Variants in CALN1 observed in about 807,000 individuals in gnomAD.
The protein encoded by CALN1 is calneuron 1.
Under a neutral mutation model 30.6 loss-of-function variants are expected in CALN1, and 17 were observed. The observed-to-expected ratio is 0.56, with a 90% confidence interval of 0.38 to 0.83. The LOEUF (loss-of-function observed/expected upper bound fraction) is 0.83, where lower values mean the gene tolerates loss of function less well. CALN1 is among the 40% of genes least tolerant of loss of function. The probability of loss-of-function intolerance (pLI) is 0.00; values close to 1 mark genes in which losing one functional copy is unlikely to be tolerated. For synonymous variants in CALN1, 156 were observed against 131.4 expected (o/e 1.19, Z -1.28); for missense variants, 291 against 354.9 (o/e 0.82, Z 1.45).
chr7:72,387,210 GAAGGA>G (rs1805262996), intron 2 of CALN1, among the ~76,000 whole-genome samples: 2 of 115,078 alleles, frequency 1.7e-5, no homozygotes, highest in Admixed American at 9.2e-5. Context: ...GGGAGGGAGG[GAAGGA>G]AGGAAGGGAA....
chr7:72,310,896 A>G (rs1000712791), intron 2 of CALN1, among the ~76,000 whole-genome samples: 3 of 132,824 alleles, frequency 2.3e-5, no homozygotes, highest in Non-Finnish European at 4.8e-5. Flanking sequence ...CGACAGAGCA[A>G]GACTCCGTCT....
intron 2 of CALN1, among the ~76,000 whole-genome samples, chr7:72,280,273 A>G (rs541355646): frequency 6.6e-6 from 1 of 152,348 alleles, no homozygotes; most frequent in South Asian, 2.1e-4. Context: ...CCAAAAAGTA[A>G]AACAGACACA....
chr7:72,354,869 A>C (rs2968518), intron 2 of CALN1, among the ~76,000 whole-genome samples: 48,511 of 151,296 alleles, frequency 0.32, 9,457 homozygotes, highest in Middle Eastern at 0.49. Context: ...ATTTTTGAGA[A>C]CTTGAGTAAG....
intron 5 of CALN1, among the ~76,000 whole-genome samples, chr7:71,912,816 A>C (rs1013240123): frequency 7.9e-5 from 12 of 152,200 alleles, no homozygotes; most frequent in Admixed American, 6.5e-4. Flanking sequence ...TTGATCTGGC[A>C]GTACTGAGTT....
chr7:72,422,860 G>A (rs1334653322), intron 1 of CALN1, among the ~76,000 whole-genome samples: 2 of 151,942 alleles, frequency 1.3e-5, no homozygotes, highest in Non-Finnish European at 2.9e-5. Context: ...TGAGCGCATC[G>A]GCTCACGCCT....
At chr7:72,123,741 G>A (rs879914425) in intron 3 of CALN1, among the ~76,000 whole-genome samples, 17 of 152,142 alleles carry the variant, frequency 1.1e-4, no homozygotes, top group Non-Finnish European at 2.1e-4. Context: ...AATTGATAAA[G>A]AGCTGACTAT....
chr7:72,367,949 C>G (rs1326866309), intron 2 of CALN1, among the ~76,000 whole-genome samples: 2 of 151,964 alleles, frequency 1.3e-5, no homozygotes, highest in Admixed American at 1.3e-4. Context: ...CTGGCTAGCA[C>G]AGTAAAACCC....
At chr7:72,458,707 A>C in the CALN1 span, among the ~76,000 whole-genome samples, 1 of 76,182 alleles carries the variant, frequency 1.3e-5, no homozygotes, top group African/African-American at 5.7e-5. Context: ...ATTCTATATT[A>C]TATAATATAT....
At chr7:71,873,320 T>C (rs1792057115) in intron 5 of CALN1, among the ~76,000 whole-genome samples, 1 of 152,108 alleles carries the variant, frequency 6.6e-6, no homozygotes, top group African/African-American at 2.4e-5. Flanking sequence ...AAATTTTTTT[T>C]TGTGGACACA....
intron 5 of CALN1, among the ~76,000 whole-genome samples, chr7:71,873,162 C>T (rs186054558): frequency 1.1e-4 from 16 of 152,000 alleles, no homozygotes; most frequent in African/African-American, 3.6e-4. Context: ...CACCACCACG[C>T]CTGGCTAATT....
intron 2 of CALN1, chr7:72,336,774 A>T (rs1585529355): frequency 3.0e-6 from 3 of 984,872 alleles, no homozygotes; most frequent in Admixed American, 6.2e-5. Flanking sequence ...GCTTCCTCCG[A>T]GGCCCGCAGG....
chr7:71,819,617 A>G lies in CALN1; in HGVS notation c.502-9125T>C, dbSNP rs117320240. 1.2e-4 allele frequency among the ~76,000 whole-genome samples: 18 copies of G among 152,254 alleles called. No individual in the cohort carries two copies. In the East Asian group the frequency reaches 3.5e-3, roughly 29 times the overall value. ...ATCTTCCCAGACTGAAACTTTGTACACTATTATTAATTATCATTAAACACT... is the reference window on the plus strand; with the variant it reads ...ATCTTCCCAGACTGAAACTTTGTACGCTATTATTAATTATCATTAAACACT... On this transcript the variant is annotated intron_variant, in intron 5 of 6. Coordinates refer to ENST00000395275, the MANE Select transcript of CALN1 (RefSeq NM_031468.4).
intron 2 of CALN1, among the ~76,000 whole-genome samples, chr7:72,334,730 C>G (rs1271268350): frequency 6.6e-6 from 1 of 152,266 alleles, no homozygotes; most frequent in African/African-American, 2.4e-5. Context: ...GAGGATTTAG[C>G]TCTCCTCCAA....
intron 3 of CALN1, among the ~76,000 whole-genome samples, chr7:72,183,217 C>A (rs780965951): frequency 1.8e-4 from 28 of 152,138 alleles, no homozygotes; most frequent in African/African-American, 2.7e-4. Flanking sequence ...GCATGCGCCA[C>A]CACGCCCAGC....
intron 3 of CALN1, among the ~76,000 whole-genome samples, chr7:72,227,799 G>A (rs1037940214): frequency 5.9e-5 from 9 of 152,050 alleles, no homozygotes; most frequent in African/African-American, 1.9e-4. Flanking sequence ...GCAGTGAGCC[G>A]AGACTGCACC....
chr7:71,887,811 G>A (rs1317100469), intron 5 of CALN1, among the ~76,000 whole-genome samples: 3 of 152,172 alleles, frequency 2.0e-5, no homozygotes, highest in Non-Finnish European at 2.9e-5. Flanking sequence ...TGGAGGGTGA[G>A]AAGGAGGAGA....
chr7:72,291,743 G>A (rs760367562), intron 2 of CALN1, among the ~76,000 whole-genome samples: 1 of 152,146 alleles, frequency 6.6e-6, no homozygotes, highest in South Asian at 2.1e-4. Context: ...CTCCCAAGTA[G>A]CTGGGATGAC....
At position 72,097,617 on chromosome 7, in the gene CALN1, A is replaced by G. The variant is rs1178917733; in HGVS notation, c.388+8534T>C. The stretch of plus-strand genomic sequence containing the variant: ...GAAGCCAGAAGTTCAAGACAGCCTG[A>G]GCAACAAAGTGAGACCCCCTATGTC... On this transcript the variant is annotated intron_variant, in intron 4 of 6. Transcript: ENST00000395275. Among the ~76,000 whole-genome samples the G allele has an allele frequency of 6.7e-5, 10 of 150,290 alleles. No homozygotes were observed. The Admixed American group carries it at 6.7e-4, about 10-fold the overall frequency.
chr7:71,948,373 C>G (rs1179760867), intron 5 of CALN1, among the ~76,000 whole-genome samples: 1 of 152,170 alleles, frequency 6.6e-6, no homozygotes, highest in Non-Finnish European at 1.5e-5. Flanking sequence ...ACTCCCATGA[C>G]CCAAGGAAGC....
Sources: gnomAD v4.1 joint callset for allele counts (sites outside exome capture counted in the v4.1 genomes callset) on GRCh38, gnomAD v4.1.1 for gene constraint, MANE v1.5 for transcripts, NCBI Gene and HGNC (gene_info 2026-07-23, HGNC 2026-07-21) for gene names.